The following DLG2 variants were observed in gnomAD, a reference collection of about 807,000 sequenced individuals.
The protein encoded by DLG2 is discs large MAGUK scaffold protein 2.
In DLG2, 45 loss-of-function variants were observed where a neutral mutation model predicts 132.5. The ratio of observed to expected loss-of-function variants is 0.34; its 90% CI spans 0.27 to 0.44. The LOEUF (loss-of-function observed/expected upper bound fraction) is 0.44. Ranked by LOEUF, DLG2 falls within the 20% of genes least tolerant of loss-of-function variation. The probability of loss-of-function intolerance (pLI) is 1.00; values close to 1 mark genes in which losing one functional copy is unlikely to be tolerated. For synonymous variants in DLG2, 424 were observed against 419.6 expected (o/e 1.01, Z -0.13); for missense variants, 1,045 against 1,196.9 (o/e 0.87, Z 1.87).
chr11:84,375,167 A>C (rs1233795598), intron 7 of DLG2, among the ~76,000 whole-genome samples: 1 of 152,200 alleles, frequency 6.6e-6, no homozygotes, highest in African/African-American at 2.4e-5. Context: ...CACTTTTCAT[A>C]GTGGACTGTT....
intron 18 of DLG2, among the ~76,000 whole-genome samples, chr11:83,728,081 A>G (rs928384023): frequency 6.6e-6 from 1 of 152,160 alleles, no homozygotes; most frequent in Non-Finnish European, 1.5e-5. Context: ...TCTTACCTCC[A>G]AAATGTCTCT....
intron 6 of DLG2, among the ~76,000 whole-genome samples, chr11:84,932,846 G>C (rs1015923456): frequency 6.6e-6 from 1 of 152,106 alleles, no homozygotes; most frequent in African/African-American, 2.4e-5. Context: ...CTTTATAGTA[G>C]AATGATTTAT....
chr11:83,499,879 A>ATC (rs2094368842), intron 21 of DLG2, among the ~76,000 whole-genome samples: 2 of 94,084 alleles, frequency 2.1e-5, no homozygotes, highest in Non-Finnish European at 4.3e-5. Context: ...ATATATATAT[A>ATC]TATATATATA....
intron 7 of DLG2, among the ~76,000 whole-genome samples, chr11:84,483,407 T>G: frequency 7.8e-6 from 1 of 128,180 alleles, no homozygotes; most frequent in Non-Finnish European, 1.6e-5. Context: ...CTCCAGCCTG[T>G]GCAACAGAGC....
At chr11:84,071,474 T>A (rs2096755913) in intron 10 of DLG2, among the ~76,000 whole-genome samples, 1 of 152,080 alleles carries the variant, frequency 6.6e-6, no homozygotes, top group Non-Finnish European at 1.5e-5. Flanking sequence ...GGCAGGATCA[T>A]AGCTCAGCGC....
At chr11:83,549,720 A>G (rs558305906) in intron 19 of DLG2, among the ~76,000 whole-genome samples, 1 of 152,310 alleles carries the variant, frequency 6.6e-6, no homozygotes, top group South Asian at 2.1e-4. Flanking sequence ...TATTTGTATT[A>G]TCTTCTTAAA....
chr11:83,994,968 T>C (rs1457201268), intron 11 of DLG2, among the ~76,000 whole-genome samples: 1 of 151,276 alleles, frequency 6.6e-6, no homozygotes, highest in Non-Finnish European at 1.5e-5. Context: ...TGCATGTCTG[T>C]TTCTGTGTCC....
chr11:85,489,083 C>A (rs1196555853), intron 3 of DLG2, among the ~76,000 whole-genome samples: 1 of 151,888 alleles, frequency 6.6e-6, no homozygotes, highest in Non-Finnish European at 1.5e-5. Flanking sequence ...TCAGTATTAA[C>A]CTTGAACATA....
intron 6 of DLG2, among the ~76,000 whole-genome samples, chr11:84,863,195 C>A (rs1422253056): frequency 6.6e-6 from 1 of 151,990 alleles, no homozygotes; most frequent in Admixed American, 6.6e-5. Context: ...GTTCACAATT[C>A]CAGTTTTAAA....
chr11:83,793,948 C>T (rs2042173722), intron 17 of DLG2, among the ~76,000 whole-genome samples: 1 of 152,100 alleles, frequency 6.6e-6, no homozygotes, highest in Non-Finnish European at 1.5e-5. Context: ...ACTTGTTTGT[C>T]TAGCACTTAT....
chr11:85,306,947 T>A (rs889319226), intron 3 of DLG2, among the ~76,000 whole-genome samples: 11 of 152,210 alleles, frequency 7.2e-5, no homozygotes, highest in African/African-American at 2.7e-4. Context: ...AGCAATGTTA[T>A]GCTAATGAAA....
intron 3 of DLG2, among the ~76,000 whole-genome samples, chr11:85,291,964 C>A (rs956013652): frequency 3.9e-5 from 6 of 152,124 alleles, no homozygotes; most frequent in Admixed American, 3.9e-4. Context: ...CTCCAACATA[C>A]CTTGTTCTCT....
At chr11:83,915,322 G>A (rs1448997282) in intron 15 of DLG2, among the ~76,000 whole-genome samples, 1 of 151,946 alleles carries the variant, frequency 6.6e-6, no homozygotes, top group Non-Finnish European at 1.5e-5. Flanking sequence ...GGGAAGGAGA[G>A]TATTAAGGAT....
intron 6 of DLG2, among the ~76,000 whole-genome samples, chr11:84,628,362 T>C (rs2099626274): frequency 6.6e-6 from 1 of 152,206 alleles, no homozygotes; most frequent in East Asian, 1.9e-4. Flanking sequence ...CACTGCATAC[T>C]GGCAATGCAA....
At chr11:85,048,572 A>T (rs1593223725) in intron 6 of DLG2, among the ~76,000 whole-genome samples, 1 of 152,084 alleles carries the variant, frequency 6.6e-6, no homozygotes, top group East Asian at 1.9e-4. Context: ...CCATTTTAAA[A>T]CCACTGGACA....
intron 7 of DLG2, among the ~76,000 whole-genome samples, chr11:84,422,260 G>A (rs1014874240): frequency 2.0e-5 from 3 of 152,126 alleles, no homozygotes; most frequent in Non-Finnish European, 4.4e-5. Flanking sequence ...TGTTATGCTC[G>A]TGATTTACCT....
In DLG2 at chr11:85,467,623, C is replaced by T. The variant is rs908305077; in HGVS notation, c.40+131034G>A. Among the ~76,000 whole-genome samples the T allele has an allele frequency of 1.1e-4, 16 of 152,186 alleles. No homozygotes were observed. In the South Asian group the frequency reaches 1.2e-3, roughly 12 times the overall value. On this transcript the variant is annotated intron_variant, in intron 3 of 27. Transcript: ENST00000376104. ...ATGCTGGATTACATTTATTGATTTGCGTATGTTGAACCAGCCTTGCATCCC... is the reference window on the plus strand; with the variant it reads ...ATGCTGGATTACATTTATTGATTTGTGTATGTTGAACCAGCCTTGCATCCC...
intron 3 of DLG2, among the ~76,000 whole-genome samples, chr11:85,591,309 C>T (rs1432075338): frequency 6.6e-6 from 1 of 152,224 alleles, no homozygotes; most frequent in Non-Finnish European, 1.5e-5. Flanking sequence ...ATGCCCTATA[C>T]AACTCCTAGA....
At chr11:83,686,697 A>C (rs977280329) in intron 18 of DLG2, among the ~76,000 whole-genome samples, 5 of 152,174 alleles carry the variant, frequency 3.3e-5, no homozygotes, top group Non-Finnish European at 5.9e-5. Flanking sequence ...TCTCAATTAT[A>C]ACTTGTTTTT....
Sources: allele counts gnomAD v4.1 joint callset (sites outside exome capture counted in the v4.1 genomes callset), GRCh38; gene constraint gnomAD v4.1.1; transcripts MANE v1.5; gene names NCBI Gene and HGNC (gene_info 2026-07-23, HGNC 2026-07-21).